Variants in TBC1D22A observed in about 807,000 individuals in gnomAD.
The protein encoded by TBC1D22A is putative GTPase activator.
Under a neutral mutation model 60.2 loss-of-function variants are expected in TBC1D22A, and 38 were observed. The observed-to-expected ratio is 0.63, with a 90% CI of 0.49 to 0.83. The LOEUF (loss-of-function observed/expected upper bound fraction) is 0.83, where lower values mean the gene tolerates loss of function less well. TBC1D22A is among the 40% of genes least tolerant of loss of function. The pLI is 0.00. For missense variants in TBC1D22A, 628 were observed against 701.0 expected (o/e 0.90, Z 1.18); for synonymous variants, 302 against 281.7 (o/e 1.07, Z -0.72).
intron 11 of TBC1D22A, among the ~76,000 whole-genome samples, chr22:47,058,839 G>A (rs1224525438): frequency 1.3e-5 from 2 of 152,146 alleles, no homozygotes; most frequent in Non-Finnish European, 2.9e-5. Flanking sequence ...TAAGTGAAAT[G>A]GAATGACTAA....
At chr22:47,090,939 G>A (rs1416251237) in intron 11 of TBC1D22A, among the ~76,000 whole-genome samples, 22 of 141,892 alleles carry the variant, frequency 1.6e-4, no homozygotes, top group South Asian at 4.9e-4. Context: ...GGAGGGGGTG[G>A]CTGCGTGTTG....
At chr22:46,858,464 C>A (rs554033408) in intron 4 of TBC1D22A, among the ~76,000 whole-genome samples, 1 of 152,142 alleles carries the variant, frequency 6.6e-6, no homozygotes, top group South Asian at 2.1e-4. Context: ...GGCAAACACC[C>A]CCCCCAGCTC....
intron 8 of TBC1D22A, among the ~76,000 whole-genome samples, chr22:46,946,638 C>G (rs1444289969): frequency 6.6e-6 from 1 of 152,232 alleles, no homozygotes; most frequent in Non-Finnish European, 1.5e-5. Context: ...TGTGCGGGCA[C>G]TGGGCTCCTG....
chr22:47,064,004 C>T (rs753619067), intron 11 of TBC1D22A, among the ~76,000 whole-genome samples: 118 of 49,502 alleles, frequency 2.4e-3, no homozygotes, highest in South Asian at 3.7e-3. Context: ...TGTGAGGACA[C>T]CCGTCATTGG....
intron 8 of TBC1D22A, among the ~76,000 whole-genome samples, chr22:46,916,524 TGTGCACACAGGCGTGCAGGCAC>T: frequency 6.6e-6 from 1 of 152,242 alleles, no homozygotes; most frequent in East Asian, 1.9e-4. Flanking sequence ...ACACACATGC[TGTGCACACAGGCGTGCAGGCAC>T]GTGCACGCGG....
intron 9 of TBC1D22A, among the ~76,000 whole-genome samples, chr22:46,994,689 C>T (rs1472900471): frequency 1.3e-5 from 2 of 152,206 alleles, no homozygotes; most frequent in African/African-American, 2.4e-5. Context: ...GCTGCCACAC[C>T]ACTCTCAGGT....
intron 8 of TBC1D22A, among the ~76,000 whole-genome samples, chr22:46,962,927 G>A (rs2073588507): frequency 6.6e-6 from 1 of 152,014 alleles, no homozygotes. Context: ...AAGAATCAGT[G>A]CCTGGGCCGG....
chr22:46,911,980 A>G, intron 7 of TBC1D22A, 94 bp from the exon 8 acceptor site: 1 of 794,692 alleles, frequency 1.3e-6, no homozygotes, highest in East Asian at 2.5e-5. Context: ...GCAATGAGAA[A>G]ATACAGTGTA....
At chr22:47,113,741 G>T (rs553913143) in intron 12 of TBC1D22A, among the ~76,000 whole-genome samples, 1 of 152,344 alleles carries the variant, frequency 6.6e-6, no homozygotes, top group South Asian at 2.1e-4. Context: ...GTGGGAGCTT[G>T]TGGGCGGGGT....
intron 7 of TBC1D22A, among the ~76,000 whole-genome samples, chr22:46,911,051 G>T (rs1262266064): frequency 6.6e-6 from 1 of 152,110 alleles, no homozygotes; most frequent in Non-Finnish European, 1.5e-5. Flanking sequence ...GGGAGGTGAG[G>T]AGCATGCAGA....
intron 8 of TBC1D22A, chr22:46,913,542 G>T (rs779861108): frequency 4.1e-6 from 5 of 1,232,036 alleles, no homozygotes; most frequent in Admixed American, 2.8e-5. Context: ...GAGCTGCCTC[G>T]GCTCACTCCC....
chr22:46,829,840 G>A (rs766441854), intron 4 of TBC1D22A, among the ~76,000 whole-genome samples: 21 of 152,116 alleles, frequency 1.4e-4, no homozygotes, highest in Admixed American at 7.2e-4. Flanking sequence ...GTTCAGTGCC[G>A]CGTGAAACAA....
At chr22:46,877,941 G>C (rs563597287) in intron 4 of TBC1D22A, among the ~76,000 whole-genome samples, 5 of 152,302 alleles carry the variant, frequency 3.3e-5, no homozygotes, top group Non-Finnish European at 5.9e-5. Context: ...CCTGATGCTT[G>C]TCCTTCCCTG....
At chr22:46,879,011 A>G (rs2067711851) in intron 5 of TBC1D22A, among the ~76,000 whole-genome samples, 1 of 152,200 alleles carries the variant, frequency 6.6e-6, no homozygotes, top group African/African-American at 2.4e-5. Context: ...TGATATAGAA[A>G]GGTTTCAGCA....
At chr22:46,928,685 T>C (rs1172665677) in intron 8 of TBC1D22A, among the ~76,000 whole-genome samples, 1 of 152,206 alleles carries the variant, frequency 6.6e-6, no homozygotes, top group Non-Finnish European at 1.5e-5. Context: ...GACTCATATC[T>C]AGTATATACA....
intron 12 of TBC1D22A, among the ~76,000 whole-genome samples, chr22:47,148,282 C>A (rs1452623686): frequency 6.6e-6 from 1 of 150,442 alleles, no homozygotes; most frequent in African/African-American, 2.5e-5. Flanking sequence ...CACCTCCCAA[C>A]ACAGGGACCT....
intron 4 of TBC1D22A, 141 bp from the exon 5 acceptor site, chr22:46,878,512 C>A: frequency 1.4e-6 from 1 of 708,242 alleles, no homozygotes; most frequent in Non-Finnish European, 2.5e-6. Flanking sequence ...TCAATCGTAT[C>A]TGAAATGTTG....
At chr22:46,943,137 T>A (rs530927257) in intron 8 of TBC1D22A, among the ~76,000 whole-genome samples, 159 of 152,124 alleles carry the variant, frequency 1.0e-3, no homozygotes, top group African/African-American at 3.6e-3. Context: ...TTGCAATTAA[T>A]GTAATTATGA....
chr22:46,984,762 G>A (rs1457611389), intron 9 of TBC1D22A, among the ~76,000 whole-genome samples: 1 of 152,234 alleles, frequency 6.6e-6, no homozygotes, highest in Admixed American at 6.5e-5. Context: ...CAGAGAAAAG[G>A]CCAGAAACGC....
Sources: allele counts gnomAD v4.1 joint callset (sites outside exome capture counted in the v4.1 genomes callset), GRCh38; gene constraint gnomAD v4.1.1; transcripts MANE v1.5; gene names NCBI Gene and HGNC (gene_info 2026-07-23, HGNC 2026-07-21).